The following HDAC9 variants were observed in gnomAD, a reference collection of about 807,000 sequenced individuals.
HDAC9 encodes MEF-2 interacting transcription repressor (MITR) protein.
A neutral mutation model predicts 139.4 loss-of-function variants in HDAC9; 41 were observed. The observed-to-expected ratio is 0.29, with a 90% confidence interval of 0.23 to 0.38. HDAC9 has a LOEUF of 0.38. Ranked by LOEUF, HDAC9 falls within the 10% of genes least tolerant of loss-of-function variation. The pLI, the probability that HDAC9 is intolerant of heterozygous loss-of-function variation, is 1.00. For synonymous variants in HDAC9, 517 were observed against 476.2 expected (o/e 1.09, Z -1.12); for missense variants, 1,147 against 1,297.0 (o/e 0.88, Z 1.78).
At chr7:18,222,977 C>G (rs1471640865) in intron 2 of HDAC9, among the ~76,000 whole-genome samples, 1 of 152,164 alleles carries the variant, frequency 6.6e-6, no homozygotes, top group East Asian at 1.9e-4. Context: ...CCAATTTACT[C>G]TCTTGTCAGT....
intron 16 of HDAC9, among the ~76,000 whole-genome samples, chr7:18,792,282 A>T (rs1174640418): frequency 6.6e-6 from 1 of 150,822 alleles, no homozygotes; most frequent in African/African-American, 2.4e-5. Context: ...AAAAAAAAAA[A>T]AGCTTTGTTT....
At chr7:18,873,884 C>A (rs115775287) in intron 21 of HDAC9, among the ~76,000 whole-genome samples, 1,887 of 152,212 alleles carry the variant, frequency 0.012, 38 homozygotes, top group African/African-American at 0.042. Flanking sequence ...GAGGCTGCCA[C>A]ATTCCTGGTG....
At chr7:18,716,610 T>C (rs1784718489) in intron 12 of HDAC9, among the ~76,000 whole-genome samples, 1 of 150,128 alleles carries the variant, frequency 6.7e-6, no homozygotes, top group South Asian at 2.1e-4. Context: ...GGAACCTTTA[T>C]GTCTGAGGAT....
At chr7:18,659,109 T>G (rs974086229) in intron 11 of HDAC9, among the ~76,000 whole-genome samples, 7 of 152,282 alleles carry the variant, frequency 4.6e-5, no homozygotes, top group Admixed American at 4.6e-4. Flanking sequence ...AGATTTATTC[T>G]TACATGATCC....
In HDAC9 at chr7:18,550,783, G is replaced by A. The variant is rs564839373; in HGVS notation, c.23-34498G>A. 1.4e-4 allele frequency among the ~76,000 whole-genome samples: 21 copies of A among 152,322 alleles called. No homozygotes were observed. The South Asian group carries it at 4.1e-3, about 30-fold the overall frequency. ...AGATCAGAGTGGCTGGAGTAGAGTG[G>A]TGAGAGGAGAGTAGGTGCAGGTGAG... On this transcript the variant is annotated intron_variant, in intron 2 of 25. Coordinates refer to ENST00000686413, the MANE Select transcript of HDAC9 (RefSeq NM_178425.4).
chr7:18,539,342 TC>T (rs1811963177), intron 2 of HDAC9, among the ~76,000 whole-genome samples: 1 of 152,068 alleles, frequency 6.6e-6, no homozygotes, highest in Non-Finnish European at 1.5e-5. Flanking sequence ...AAATACTTGA[TC>T]AGGAATCTTC....
chr7:18,927,479 G>A (rs1367217159), intron 22 of HDAC9, among the ~76,000 whole-genome samples: 2 of 152,090 alleles, frequency 1.3e-5, no homozygotes, highest in Non-Finnish European at 2.9e-5. Flanking sequence ...GTTTAGAGAG[G>A]GAGGAAAATG....
chr7:18,710,072 C>A (rs1784233000), intron 12 of HDAC9, among the ~76,000 whole-genome samples: 3 of 152,140 alleles, frequency 2.0e-5, no homozygotes, highest in African/African-American at 7.2e-5. Context: ...CAAAGAGGAG[C>A]AAAGTCACGT....
chr7:18,816,945 G>A (rs1585090124), intron 17 of HDAC9, among the ~76,000 whole-genome samples: 1 of 151,334 alleles, frequency 6.6e-6, no homozygotes, highest in African/African-American at 2.4e-5. Context: ...AATTTTGATT[G>A]TAATTTTTTG....
chr7:18,623,443 AT>A (rs906917824), intron 6 of HDAC9, among the ~76,000 whole-genome samples: 1 of 152,138 alleles, frequency 6.6e-6, no homozygotes, highest in Non-Finnish European at 1.5e-5. Flanking sequence ...ATTTTGTTTA[AT>A]TTTAACATAA....
intron 24 of HDAC9, among the ~76,000 whole-genome samples, chr7:18,963,167 A>G (rs1369206676): frequency 6.6e-6 from 1 of 152,216 alleles, no homozygotes; most frequent in Non-Finnish European, 1.5e-5. Context: ...AGGGGAAAAA[A>G]CATAAGCTGA....
intron 1 of HDAC9, chr7:18,290,626 G>T (rs1239003873): frequency 2.3e-6 from 1 of 427,548 alleles, no homozygotes; most frequent in African/African-American, 2.1e-5. Flanking sequence ...GCTGTGGAAA[G>T]ATAAACTTGT....
At chr7:18,353,838 G>A (rs1562908338) in intron 1 of HDAC9, among the ~76,000 whole-genome samples, 1 of 152,136 alleles carries the variant, frequency 6.6e-6, no homozygotes, top group Non-Finnish European at 1.5e-5. Flanking sequence ...CCACCACCTG[G>A]TGTAAGGGAT....
intron 14 of HDAC9, among the ~76,000 whole-genome samples, chr7:18,751,290 A>T (rs1788423961): frequency 6.6e-6 from 1 of 152,142 alleles, no homozygotes. Flanking sequence ...CCTTGGTATC[A>T]CTTAATCACA....
upstream of HDAC9, among the ~76,000 whole-genome samples, chr7:18,287,290 T>C (rs1176598343): frequency 3.9e-4 from 59 of 152,140 alleles, no homozygotes; most frequent in Non-Finnish European, 7.4e-5. Flanking sequence ...GAAAAAATAA[T>C]ATATTCTTAG....
At chr7:18,186,941 C>T (rs1160062747) in intron 2 of HDAC9, among the ~76,000 whole-genome samples, 1 of 152,086 alleles carries the variant, frequency 6.6e-6, no homozygotes, top group African/African-American at 2.4e-5. Context: ...AATTAGAATG[C>T]CTGTGTGGTA....
intron 1 of HDAC9, among the ~76,000 whole-genome samples, chr7:18,126,182 G>C (rs1172346682): frequency 1.3e-5 from 2 of 152,068 alleles, no homozygotes; most frequent in Non-Finnish European, 2.9e-5. Context: ...CAAGCTTTAT[G>C]TATTATTATT....
Position 18,959,087 on chromosome 7 carries a change from C to A in HDAC9, c.3022+4857C>A, listed in dbSNP as rs187064753. ...ACCCTAGTGATTTACAGCATCCATGCACCGTTGAATTCGTTCACTTTTCTG... is the reference window on the plus strand; with the variant it reads ...ACCCTAGTGATTTACAGCATCCATGAACCGTTGAATTCGTTCACTTTTCTG... On this transcript the variant is annotated intron_variant, in intron 24 of 25. Transcript: ENST00000686413. Among the ~76,000 whole-genome samples the A allele has an allele frequency of 7.9e-5, 12 of 152,250 alleles. No homozygotes were observed. In the East Asian group the frequency reaches 2.3e-3, roughly 30 times the overall value.
At chr7:18,838,692 C>T (rs1442735310) in intron 21 of HDAC9, among the ~76,000 whole-genome samples, 1 of 151,920 alleles carries the variant, frequency 6.6e-6, no homozygotes, top group Non-Finnish European at 1.5e-5. Context: ...TAGTATTGAA[C>T]CAGAAGATCT....
Sources: allele counts gnomAD v4.1 joint callset (sites outside exome capture counted in the v4.1 genomes callset), GRCh38; gene constraint gnomAD v4.1.1; transcripts MANE v1.5; gene names NCBI Gene and HGNC (gene_info 2026-07-23, HGNC 2026-07-21).